Variants in INPP4B observed in about 807,000 individuals in gnomAD.
The protein encoded by INPP4B is inositol polyphosphate 4-phosphatase type II.
In INPP4B, 55 loss-of-function variants were observed where a neutral mutation model predicts 122.5. The ratio of observed to expected loss-of-function variants is 0.45; its 90% confidence interval spans 0.36 to 0.56. INPP4B has a LOEUF of 0.56. Ranked by LOEUF, INPP4B falls within the 20% of genes least tolerant of loss-of-function variation. The pLI, the probability that INPP4B is intolerant of heterozygous loss-of-function variation, is 0.00. For synonymous variants in INPP4B, 403 were observed against 388.7 expected, an observed-to-expected ratio of 1.04 and a Z score of -0.43; for missense variants, 1,000 against 1,097.7, an observed-to-expected ratio of 0.91 and a Z score of 1.26.
intron 17 of INPP4B, among the ~76,000 whole-genome samples, chr4:142,155,460 A>G (rs1816697448): frequency 6.6e-6 from 1 of 152,118 alleles, no homozygotes; most frequent in South Asian, 2.1e-4. Context: ...TTTGTTCTCA[A>G]CAGTTAACAA....
At chr4:142,170,409 C>T (rs1336418741) in intron 16 of INPP4B, among the ~76,000 whole-genome samples, 1 of 151,702 alleles carries the variant, frequency 6.6e-6, no homozygotes, top group Admixed American at 6.6e-5. Context: ...CTTCCCTGCC[C>T]CCACATTTGT....
Position 142,128,342 on chromosome 4 carries a change from TACAC to T in INPP4B, c.1721-3586_1721-3583del, listed in dbSNP as rs3836673. Among the ~76,000 whole-genome samples, 891 of 147,556 alleles carry T rather than the reference TACAC, an allele frequency of 6.0e-3. 8 individuals carry two copies. The highest frequency in any genetic ancestry group is 0.019 in the East Asian group (93 of 4,856). On this transcript the variant is annotated intron_variant, in intron 18 of 25. Transcript: ENST00000262992. The stretch of plus-strand genomic sequence containing the variant: ...TGTATTTCAGGATTTCGTACTTTTA[TACAC>T]ACACACACACACACACACACACACA...
At chr4:142,056,329 G>A (rs1757692980) in intron 25 of INPP4B, among the ~76,000 whole-genome samples, 1 of 152,046 alleles carries the variant, frequency 6.6e-6, no homozygotes, top group African/African-American at 2.4e-5. Context: ...ATGTGAGAGA[G>A]GCTTGAACTC....
At chr4:142,707,777 T>C (rs1460656394) in intron 2 of INPP4B, among the ~76,000 whole-genome samples, 2 of 152,080 alleles carry the variant, frequency 1.3e-5, no homozygotes, top group African/African-American at 4.8e-5. Context: ...ATACAGAAAA[T>C]TGGTAGCAGG....
chr4:142,029,210 A>C, intron 25 of INPP4B: 1 of 1,057,378 alleles, frequency 9.5e-7, no homozygotes, highest in Non-Finnish European at 1.1e-6. Flanking sequence ...AGTTTCATAA[A>C]TATATCTGCC....
intron 25 of INPP4B, among the ~76,000 whole-genome samples, chr4:142,050,428 CAAA>C (rs1226172027): frequency 6.6e-6 from 1 of 151,724 alleles, no homozygotes; most frequent in Non-Finnish European, 1.5e-5. Flanking sequence ...TAATTAAAAA[CAAA>C]AAAGATTATT....
chr4:142,495,759 T>C (rs1822471784), intron 2 of INPP4B, among the ~76,000 whole-genome samples: 1 of 152,204 alleles, frequency 6.6e-6, no homozygotes, highest in Admixed American at 6.6e-5. Context: ...TTTAGCACTT[T>C]AGTTTCATTC....
intron 14 of INPP4B, among the ~76,000 whole-genome samples, chr4:142,200,025 T>G (rs1490173016): frequency 6.6e-6 from 1 of 152,078 alleles, no homozygotes; most frequent in Non-Finnish European, 1.5e-5. Flanking sequence ...TATATCTGAA[T>G]AGTAATTTTT....
intron 2 of INPP4B, among the ~76,000 whole-genome samples, chr4:142,676,449 CA>C (rs1757794258): frequency 6.6e-6 from 1 of 152,086 alleles, no homozygotes; most frequent in Non-Finnish European, 1.5e-5. Context: ...CTATCCCCAA[CA>C]AGCTACCATT....
chr4:142,078,368 T>C (rs1238471314), intron 25 of INPP4B, among the ~76,000 whole-genome samples: 1 of 152,060 alleles, frequency 6.6e-6, no homozygotes, highest in Non-Finnish European at 1.5e-5. Flanking sequence ...AATCAAGTGA[T>C]AACTTCATAT....
intron 2 of INPP4B, among the ~76,000 whole-genome samples, chr4:142,551,802 T>C (rs544612593): frequency 6.6e-6 from 1 of 152,242 alleles, no homozygotes; most frequent in Admixed American, 6.5e-5. Context: ...TTTAAAAAAT[T>C]GGATGGCAAG....
intron 11 of INPP4B, among the ~76,000 whole-genome samples, chr4:142,246,057 ATATGTG>A (rs1217651814): frequency 4.0e-5 from 2 of 50,156 alleles, no homozygotes; most frequent in Non-Finnish European, 1.1e-4. Context: ...CACATTATAT[ATATGTG>A]TGTGTGTATA....
At chr4:142,370,755 A>G (rs2148696376) in intron 7 of INPP4B, among the ~76,000 whole-genome samples, 1 of 152,238 alleles carries the variant, frequency 6.6e-6, no homozygotes, top group Admixed American at 6.5e-5. Context: ...TCATGATGAA[A>G]ATTGCAAAAC....
chr4:142,640,997 T>C (rs114682987), intron 2 of INPP4B, among the ~76,000 whole-genome samples: 1,753 of 152,262 alleles, frequency 0.012, 31 homozygotes, highest in African/African-American at 0.032. Context: ...ATCAGTATCA[T>C]TTTGGAAAAC....
At chr4:142,145,156 A>T (rs945889970) in intron 18 of INPP4B, among the ~76,000 whole-genome samples, 1 of 152,120 alleles carries the variant, frequency 6.6e-6, no homozygotes, top group East Asian at 1.9e-4. Context: ...ATCTGTAGTT[A>T]AAATTTTGTT....
chr4:142,106,013 A>G (rs759994256), intron 23 of INPP4B, among the ~76,000 whole-genome samples: 6 of 152,182 alleles, frequency 3.9e-5, no homozygotes, highest in African/African-American at 1.2e-4. Context: ...ATATGTCATC[A>G]TAATTGTATA....
Position 142,694,360 on chromosome 4 carries a change from G to A in INPP4B, c.-191+31479C>T, listed in dbSNP as rs190826163. On this transcript the variant is annotated intron_variant, in intron 2 of 25. Transcript: ENST00000262992. ...TGCACTTTAGCCTGGGTGACAGAAC[G>A]AGACTCGTCTCAAAAAAAAAAAACA... Among the ~76,000 whole-genome samples the A allele has an allele frequency of 5.1e-3, 725 of 141,842 alleles. 5 individuals carry two copies. The highest frequency in any genetic ancestry group is 0.018 in the African/African-American group (680 of 38,262). 93.1% of individuals were successfully genotyped at this position (141,842 alleles called of 152,430 possible). A position where few individuals can be genotyped will look rare whatever the true frequency, so the allele number is the denominator to read the frequency against.
intron 5 of INPP4B, among the ~76,000 whole-genome samples, chr4:142,416,281 G>C (rs1038854016): frequency 6.6e-6 from 1 of 152,070 alleles, no homozygotes; most frequent in East Asian, 1.9e-4. Flanking sequence ...GTAGCAAGCC[G>C]ACAGGGAGGC....
chr4:142,162,972 T>C (rs753688435), intron 16 of INPP4B, among the ~76,000 whole-genome samples: 2 of 151,914 alleles, frequency 1.3e-5, no homozygotes, highest in Non-Finnish European at 2.9e-5. Context: ...GTGATATCCA[T>C]GTAACCTGAA....
Sources: gnomAD v4.1 joint callset for allele counts (sites outside exome capture counted in the v4.1 genomes callset) on GRCh38, gnomAD v4.1.1 for gene constraint, MANE v1.5 for transcripts, NCBI Gene and HGNC (gene_info 2026-07-23, HGNC 2026-07-21) for gene names.